Variants in PLCH2 observed in about 807,000 individuals in gnomAD.
PLCH2 encodes the protein 1-phosphatidylinositol 4,5-bisphosphate phosphodiesterase eta-2.
A neutral mutation model predicts 134.7 loss-of-function variants in PLCH2; 98 were observed. That is an observed-to-expected ratio of 0.73 (90% CI 0.62 to 0.86). PLCH2 has a LOEUF of 0.86. Ranked by LOEUF, PLCH2 falls within the 40% of genes least tolerant of loss-of-function variation. The pLI, the probability that PLCH2 is intolerant of heterozygous loss-of-function variation, is 0.00. For synonymous variants in PLCH2, 974 were observed against 827.5 expected (o/e 1.18, Z -3.04); for missense variants, 1,994 against 1,986.6 (o/e 1.00, Z -0.07).
intron 2 of PLCH2, among the ~76,000 whole-genome samples, chr1:2,441,757 C>T (rs959013007): frequency 6.6e-6 from 1 of 152,138 alleles, no homozygotes; most frequent in African/African-American, 2.4e-5. Context: ...AGGAACTAGC[C>T]TTTCCTTGGA....
chr1:2,450,120 G>A (rs1640121993), intron 2 of PLCH2, among the ~76,000 whole-genome samples: 1 of 152,250 alleles, frequency 6.6e-6, no homozygotes, highest in Non-Finnish European at 1.5e-5. Context: ...GGCTTGTCCA[G>A]GAACAGGCAC....
In PLCH2 at chr1:2,504,647, G is replaced by C. The variant is rs752779213; in HGVS notation, c.3685G>C (p.Ala1229Pro). The C allele has an allele frequency of 4.3e-6, 7 of 1,612,660 alleles. No homozygotes were observed. The highest frequency in any genetic ancestry group is 5.9e-6 in the Non-Finnish European group (7 of 1,179,804). The change falls in exon 22 of 22, where the codon GCT becomes CCT. Residue 1229 changes from alanine to proline, a missense_variant. Ala to Pro is a conservative substitution (Grantham distance 27). Around this residue, in one of 2 missense-constraint regions of PLCH2, gnomAD observed 900 missense variants for 752.3 expected, o/e 1.20. Transcript: ENST00000378486. The stretch of plus-strand genomic sequence containing the variant: ...GCCCAGGTCCCTGGCCCCAAGGATG[G>C]CTGGCCTCCCCTTCCGGCCTCCCTG... ...LQPRSLAPRM[A>P]GLPFRPPWGC...
At chr1:2,474,926 T>G (rs888084693), upstream of PLCH2, among the ~76,000 whole-genome samples, 2 of 152,170 alleles carry the variant, frequency 1.3e-5, no homozygotes, top group African/African-American at 2.4e-5. Context: ...CGAGGCCCTG[T>G]CTTCCTGAGG....
upstream of PLCH2, among the ~76,000 whole-genome samples, chr1:2,471,831 C>T (rs530101218): frequency 5.3e-5 from 8 of 152,286 alleles, no homozygotes; most frequent in African/African-American, 1.7e-4. Context: ...GGCCCCAGGG[C>T]CCCCTCCGGC....
At chr1:2,476,287 A>G (rs892611099), upstream of PLCH2, 8 of 313,918 alleles carry the variant, frequency 2.5e-5, no homozygotes, top group Non-Finnish European at 3.5e-5. Context: ...GGCGGGGCTG[A>G]GGTCCTTTGC....
exon 1 of PLCH2, chr1:2,467,465 C>T (rs551727003): frequency 5.1e-6 from 2 of 392,696 alleles, no homozygotes; most frequent in Non-Finnish European, 9.0e-6. Flanking sequence ...TCCTCACGGG[C>T]GGGCGCGGCA....
chr1:2,445,157 G>A (rs1051910716), intron 2 of PLCH2, among the ~76,000 whole-genome samples: 9 of 152,278 alleles, frequency 5.9e-5, no homozygotes, highest in Non-Finnish European at 1.5e-5. Flanking sequence ...TGCCCTAGGG[G>A]AGGGTCTGGG....
intron 20 of PLCH2, chr1:2,501,116 A>C (rs1346237463): frequency 6.6e-6 from 1 of 151,806 alleles, no homozygotes; most frequent in Admixed American, 6.6e-5. Context: ...CCAAATGCGT[A>C]GATTTGGGAT....
chr1:2,445,481 C>T (rs557568790), intron 2 of PLCH2, among the ~76,000 whole-genome samples: 8 of 152,120 alleles, frequency 5.3e-5, no homozygotes, highest in African/African-American at 1.9e-4. Flanking sequence ...GGTCTGGTGG[C>T]CTTGGCCTCA....
the PLCH2 span, among the ~76,000 whole-genome samples, chr1:2,417,994 T>C: frequency 6.6e-6 from 1 of 152,182 alleles, no homozygotes; most frequent in Non-Finnish European, 1.5e-5. Context: ...TGCAGGCATT[T>C]AGACTCTGGT....
Position 2,476,723 on chromosome 1 carries a change from G to T in PLCH2, c.124+11G>T. 3.1e-6 allele frequency: 5 copies of T among 1,599,904 alleles called. No individual in the cohort carries two copies. Among genetic ancestry groups the T allele is most frequent in the South Asian group, 1.1e-5 (1 of 89,354 alleles). ...AGCTCGGCCCCCTGGGTAAGAAGGG[G>T]CAGGCGAGTGGCCTGGGCTGAGTGC... On this transcript the variant is annotated intron_variant, in intron 1 of 21. Transcript: ENST00000378486.
At chr1:2,437,267 T>C (rs2494439) in intron 2 of PLCH2, among the ~76,000 whole-genome samples, 63,166 of 152,042 alleles carry the variant, frequency 0.42, 15,610 homozygotes, top group East Asian at 0.76. Flanking sequence ...CGAGCCCCTC[T>C]TCTCTGAGCA....
chr1:2,428,920 G>A (rs541557768), intron 1 of PLCH2, among the ~76,000 whole-genome samples: 4 of 152,358 alleles, frequency 2.6e-5, no homozygotes, highest in Admixed American at 6.5e-5. Flanking sequence ...GCCTCTGGTC[G>A]AGAGCGAGCT....
chr1:2,467,254 C>CCA (rs1322597788), upstream of PLCH2, among the ~76,000 whole-genome samples: 1 of 152,166 alleles, frequency 6.6e-6, no homozygotes, highest in Non-Finnish European at 1.5e-5. Context: ...GAGCCAGCAG[C>CCA]CAACCCGCCT....
intron 10 of PLCH2, 143 bp from the exon 11 acceptor site, chr1:2,491,049 G>C (rs575163078): frequency 4.4e-5 from 34 of 764,330 alleles, no homozygotes; most frequent in South Asian, 4.1e-4. Flanking sequence ...CGTCCTGCCT[G>C]TGGCTGCCTG....
chr1:2,436,261 TCC>T (rs1489134955), intron 2 of PLCH2, among the ~76,000 whole-genome samples: 2 of 65,264 alleles, frequency 3.1e-5, no homozygotes, highest in African/African-American at 6.6e-5. Flanking sequence ...CCCTCCTCCC[TCC>T]TCCTCCTTTC....
the PLCH2 span, among the ~76,000 whole-genome samples, chr1:2,416,975 G>A: frequency 6.6e-6 from 1 of 152,268 alleles, no homozygotes; most frequent in South Asian, 2.1e-4. Flanking sequence ...GGACCTTGAG[G>A]GAGCTAGGAC....
intron 2 of PLCH2, among the ~76,000 whole-genome samples, chr1:2,455,132 A>G (rs2100568068): frequency 6.6e-6 from 1 of 152,098 alleles, no homozygotes; most frequent in African/African-American, 2.4e-5. Context: ...CTCTCCCCTT[A>G]CCCTTGAGAC....
intron 1 of PLCH2, among the ~76,000 whole-genome samples, chr1:2,477,625 C>T (rs2100644424): frequency 6.6e-6 from 1 of 152,250 alleles, no homozygotes; most frequent in South Asian, 2.1e-4. Context: ...GCCTGGACTC[C>T]CTGGACCCTG....
Sources: allele counts gnomAD v4.1 joint callset (sites outside exome capture counted in the v4.1 genomes callset), GRCh38; gene constraint gnomAD v4.1.1; regional missense constraint gnomAD v4.1.1; transcripts MANE v1.5; gene names NCBI Gene and HGNC (gene_info 2026-07-23, HGNC 2026-07-21).